Variants in PMS2 observed in about 807,000 individuals in gnomAD.
PMS2 encodes PMS1 homolog 2, mismatch repair system component, also known as mismatch repair endonuclease PMS2.
In PMS2, 69 loss-of-function variants were observed where a neutral mutation model predicts 90.0. That is an observed-to-expected ratio of 0.77 (90% confidence interval 0.63 to 0.94). The LOEUF (loss-of-function observed/expected upper bound fraction) is 0.94, where lower values mean the gene tolerates loss of function less well. Ranked by LOEUF, PMS2 falls within the 40% of genes least tolerant of loss-of-function variation. The pLI, the probability that PMS2 is intolerant of heterozygous loss-of-function variation, is 0.00. For missense variants in PMS2, 966 were observed against 1,040.2 expected (o/e 0.93, Z 0.98); for synonymous variants, 332 against 375.1 (o/e 0.89, Z 1.33).
chr7:5,986,275 A>G (rs1367640034), intron 11 of PMS2, among the ~76,000 whole-genome samples: 2 of 151,554 alleles, frequency 1.3e-5, no homozygotes, highest in Admixed American at 6.6e-5. Flanking sequence ...AGGTCTCCCT[A>G]TGTTGTCCAG....
chr7:6,000,706 A>G (rs528493605), intron 5 of PMS2, among the ~76,000 whole-genome samples: 1 of 152,126 alleles, frequency 6.6e-6, no homozygotes, highest in East Asian at 1.9e-4. Flanking sequence ...AGTTAAAATT[A>G]GCAGCCAAGT....
intron 14 of PMS2, among the ~76,000 whole-genome samples, chr7:5,975,983 G>A (rs1478603637): frequency 7.1e-6 from 1 of 140,892 alleles, no homozygotes; most frequent in Non-Finnish European, 1.6e-5. Context: ...GCTCACGCCT[G>A]TAATCCCAGC....
intron 12 of PMS2, among the ~76,000 whole-genome samples, chr7:5,979,907 C>T (rs1205922902): frequency 3.1e-5 from 3 of 97,308 alleles, no homozygotes; most frequent in East Asian, 7.2e-4. Context: ...AACAGATTAC[C>T]GGGGAAGAAA....
At chr7:6,002,253 A>C (rs1465323527) in intron 5 of PMS2, 200 bp downstream of exon 5, 2 of 540,210 alleles carry the variant, frequency 3.7e-6, no homozygotes, top group Non-Finnish European at 6.6e-6. Context: ...CAGTCCTAAT[A>C]AACACTATGT....
intron 7 of PMS2, among the ~76,000 whole-genome samples, chr7:5,996,017 G>A (rs771402608): frequency 9.2e-5 from 14 of 152,096 alleles, no homozygotes; most frequent in Non-Finnish European, 1.8e-4. Flanking sequence ...CTTGTGCTCA[G>A]AATTTTGCCC....
chr7:5,986,491 A>C (rs1782877635), intron 11 of PMS2, among the ~76,000 whole-genome samples: 1 of 152,064 alleles, frequency 6.6e-6, no homozygotes, highest in Admixed American at 6.5e-5. Context: ...CAGGAGTTCG[A>C]GACCAGCCCA....
Position 5,978,983 on chromosome 7 carries a change from C to T in PMS2, c.2175-287G>A, listed in dbSNP as rs1302067625. Among the ~76,000 whole-genome samples the T allele has an allele frequency of 2.7e-5, 4 of 148,778 alleles. 1 individual carries two copies. The East Asian group carries it at 7.8e-4, about 29-fold the overall frequency. On this transcript the variant is annotated intron_variant, in intron 12 of 14. Transcript: ENST00000265849. ...CCCGAGGCAGGCAGATCTCTTGAGG[C>T]CAGGAGTTTGAGACCGGCCTGGTCA...
chr7:6,003,258 C>T (rs962941278), intron 4 of PMS2: 1 of 150,064 alleles, frequency 6.7e-6, no homozygotes. Context: ...TGTGCCACTG[C>T]ACTCCAGCCT....
chr7:5,990,679 G>A (rs1783637774), intron 9 of PMS2, among the ~76,000 whole-genome samples: 1 of 152,102 alleles, frequency 6.6e-6, no homozygotes, highest in African/African-American at 2.4e-5. Context: ...CATATTCACT[G>A]ACCCAGTAAT....
rs1444194627 is a variant in PMS2, at chr7:5,999,187, C to G, written c.626G>C (p.Gly209Ala). The G allele has an allele frequency of 6.2e-7, 1 of 1,613,804 alleles. No homozygotes were observed. The highest frequency in any genetic ancestry group is 1.1e-5 in the South Asian group (1 of 91,080). ...RVSCTNQLGQ[G>A]KRQPVVCTGG... ...TGTGCATACCACAGGCTGTCGTTTT[C>G]CTTGTCCAAGCTGATTGGTGCAACT... Residue 209 changes from glycine to alanine, a missense_variant, in exon 6 of 15, where the codon GGA becomes GCA. Gly to Ala is a moderately conservative substitution (Grantham distance 60). Transcript: ENST00000265849.
chr7:5,979,360 C>T (rs1782086509), intron 12 of PMS2, among the ~76,000 whole-genome samples: 1 of 147,150 alleles, frequency 6.8e-6, no homozygotes, highest in Non-Finnish European at 1.5e-5. Flanking sequence ...CACTGCACTC[C>T]AGCCTGGGCA....
At chr7:5,981,056 C>T (rs2128694194) in intron 12 of PMS2, among the ~76,000 whole-genome samples, 1 of 151,818 alleles carries the variant, frequency 6.6e-6, no homozygotes, top group African/African-American at 2.4e-5. Flanking sequence ...TAATTTCCCA[C>T]ACGAAAATCC....
At chr7:5,997,670 G>C (rs1436274541) in intron 6 of PMS2, among the ~76,000 whole-genome samples, 8 of 152,036 alleles carry the variant, frequency 5.3e-5, no homozygotes, top group Non-Finnish European at 1.2e-4. Flanking sequence ...TCAGCCTGTC[G>C]AGTGAGTAGC....
intron 13 of PMS2, 92 bp from the exon 14 acceptor site, chr7:5,977,849 G>T: frequency 6.4e-7 from 1 of 1,551,946 alleles, no homozygotes. Flanking sequence ...GCCGGGCGTG[G>T]TGGCTCACGC....
At chr7:6,007,609 A>G (rs148477229) in intron 1 of PMS2, among the ~76,000 whole-genome samples, 2 of 152,322 alleles carry the variant, frequency 1.3e-5, no homozygotes, top group African/African-American at 4.8e-5. Context: ...ACTTGTTAAG[A>G]GAAGGCAGGA....
chr7:5,994,651 C>T (rs1583358595), intron 8 of PMS2, among the ~76,000 whole-genome samples: 1 of 151,868 alleles, frequency 6.6e-6, no homozygotes, highest in East Asian at 2.0e-4. Flanking sequence ...TGGCAGGCAC[C>T]TGTAGTCCCA....
In PMS2 at chr7:5,978,085, C is replaced by T. The variant is rs557031349; in HGVS notation, c.2276-328G>A. Among the ~76,000 whole-genome samples the T allele has an allele frequency of 1.6e-3, 242 of 149,540 alleles. 7 individuals carry two copies. Among genetic ancestry groups the T allele is most frequent in the Non-Finnish European group, 2.3e-3 (157 of 67,168 alleles). On this transcript the variant is annotated intron_variant, in intron 13 of 14. Coordinates refer to ENST00000265849, the MANE Select transcript of PMS2 (RefSeq NM_000535.7). ...CAGTGAGCCGAGATCGGCACCACTG[C>T]GCTCCAGCCTGGGCGACAGAGCAAG...
chr7:5,986,722 A>G lies in PMS2; in HGVS notation c.2006+37T>C, dbSNP rs753957202. On this transcript the variant is annotated intron_variant, in intron 11 of 14. Transcript: ENST00000265849. ...AATAAAAAATAAAAATAAAAATTTT[A>G]GATAAAAAGAGAAAAAGTAAAAAAT... 97 of 1,437,284 alleles carry G rather than the reference A, an allele frequency of 6.7e-5. No individual in the cohort carries two copies. The Admixed American group carries it at 2.1e-3, about 31-fold the overall frequency. The allele number at this position is 1,437,284 out of a possible 1,614,324, so 89.0% of individuals were successfully genotyped here.
At position 5,987,602 on chromosome 7, in the gene PMS2, T is replaced by G. The variant is rs1178645647; in HGVS notation, c.1163A>C (p.His388Pro). 1 of 1,603,162 alleles carries G rather than the reference T, an allele frequency of 6.2e-7. No individual in the cohort carries two copies. Residue 388 changes from histidine (H) to proline (P), a missense_variant, in exon 11 of 15, where the codon CAT becomes CCT. His to Pro is a moderately conservative substitution (Grantham distance 77). This residue lies in a region of PMS2 where 871 missense variants were observed against 802.4 expected (regional missense o/e 1.09). Coordinates refer to ENST00000265849, the MANE Select transcript of PMS2 (RefSeq NM_000535.7). ...LDVEGNLIKM[H>P]AADLEKPMVE... Reference sequence around the variant, plus strand: ...CATGGGCTTTTCCAAATCCGCTGCATGCATTTTTATTAAGTTACCTAAGCA... The same window carrying G: ...CATGGGCTTTTCCAAATCCGCTGCAGGCATTTTTATTAAGTTACCTAAGCA...
Sources: allele counts gnomAD v4.1 joint callset (sites outside exome capture counted in the v4.1 genomes callset), GRCh38; gene constraint gnomAD v4.1.1; regional missense constraint gnomAD v4.1.1; transcripts MANE v1.5; gene names NCBI Gene and HGNC (gene_info 2026-07-23, HGNC 2026-07-21).